SLX4: variants seen among roughly 807,000 people sequenced by gnomAD.
The protein encoded by SLX4 is structure-specific endonuclease subunit SLX4.
Under a neutral mutation model 146.2 loss-of-function variants are expected in SLX4, and 112 were observed. The ratio of observed to expected loss-of-function variants is 0.77; its 90% CI spans 0.66 to 0.90. SLX4 has a LOEUF of 0.90. SLX4 is among the 40% of genes least tolerant of loss of function. The pLI, the probability that SLX4 is intolerant of heterozygous loss-of-function variation, is 0.00. For missense variants in SLX4, 2,563 were observed against 2,392.7 expected, an observed-to-expected ratio of 1.07 and a Z score of -1.49; for synonymous variants, 1,061 against 997.7, an observed-to-expected ratio of 1.06 and a Z score of -1.20.
Position 3,593,261 on chromosome 16 carries a change from T to G in SLX4, c.2161-396A>C, listed in dbSNP as rs534441139. Among the ~76,000 whole-genome samples, 4 of 152,208 alleles carry G rather than the reference T, an allele frequency of 2.6e-5. No individual in the cohort carries two copies. In the East Asian group the frequency reaches 7.7e-4, roughly 29 times the overall value. On this transcript the variant is annotated intron_variant, in intron 10 of 14. Transcript: ENST00000294008. ...TAATTTTTTATAGTTTCAGTAGAGA[T>G]AAGGTTTCACTATGTTGGCCAGGCT...
intron 12 of SLX4, among the ~76,000 whole-genome samples, chr16:3,585,585 CAAA>C (rs35181087): frequency 3.0e-4 from 27 of 90,030 alleles, no homozygotes; most frequent in Admixed American, 1.5e-3. Flanking sequence ...GACTCTGTCT[CAAA>C]AAAAAAAAAA....
At chr16:3,600,936 A>C (rs369025347) in intron 5 of SLX4, 43 bp downstream of exon 5, 1 of 1,605,230 alleles carries the variant, frequency 6.2e-7, no homozygotes. Flanking sequence ...CTGAGTGCAC[A>C]CAGCATTATT....
chr16:3,611,033 G>A (rs1398847429), intron 1 of SLX4, among the ~76,000 whole-genome samples: 1 of 152,138 alleles, frequency 6.6e-6, no homozygotes, highest in Non-Finnish European at 1.5e-5. Context: ...CCTCCTATAG[G>A]TGCCCAGTCA....
intron 3 of SLX4, 78 bp downstream of exon 3, chr16:3,606,396 C>T (rs769623449): frequency 6.7e-6 from 10 of 1,500,754 alleles, no homozygotes; most frequent in Non-Finnish European, 9.3e-6. Context: ...TCAACAAATG[C>T]TGATTCCTTC....
chr16:3,584,500 G>A (rs967937392), intron 13 of SLX4, among the ~76,000 whole-genome samples: 1 of 152,164 alleles, frequency 6.6e-6, no homozygotes, highest in South Asian at 2.1e-4. Context: ...ATGGGGACCT[G>A]CTGCCCAGGG....
rs2040562250 is a variant in SLX4, at chr16:3,589,960, C to G, written c.3678G>C (p.Arg1226=). The G allele has an allele frequency of 1.2e-6, 2 of 1,613,876 alleles. No individual in the cohort carries two copies. Among genetic ancestry groups the G allele is most frequent in the Non-Finnish European group, 8.5e-7 (1 of 1,180,000 alleles). Residue 1226 remains arginine (R), a synonymous_variant, in exon 12 of 15, where the codon CGG becomes CGC. Coordinates refer to ENST00000294008, the MANE Select transcript of SLX4 (RefSeq NM_032444.4). This position sits in a 1 kb window ranked among gnomAD's most constrained non-coding sequence, Gnocchi z 6.2. ...GAGCCCCTCTCCTGCCCAAAGAGCC[C>G]CGATTCTCCGGCAGCGCCCCCTCAT... ...QEDEGALPEN[R]GSLGRRGAPW... is the part of the protein sequence containing the mutation.
At chr16:3,605,120 T>C (rs544530096) in intron 3 of SLX4, among the ~76,000 whole-genome samples, 5 of 151,412 alleles carry the variant, frequency 3.3e-5, no homozygotes, top group Non-Finnish European at 7.4e-5. Context: ...GTCAGAGTCT[T>C]GCTCTGTTGC....
At position 3,610,629 on chromosome 16, in the gene SLX4, AG is replaced by A. The variant is rs750903300; in HGVS notation, c.-603+930del. ...CAGTGGCAGGGCTGGGATCAAACCC[AG>A]GAAGTGTGGTTCGAAACTATCCGCT... On this transcript the variant is annotated intron_variant, in intron 1 of 14. Coordinates refer to ENST00000294008, the MANE Select transcript of SLX4 (RefSeq NM_032444.4). 3.3e-5 allele frequency among the ~76,000 whole-genome samples: 5 copies of A among 152,332 alleles called. No individual in the cohort carries two copies. In the South Asian group the frequency reaches 6.2e-4, roughly 19 times the overall value.
Position 3,608,916 on chromosome 16 carries a change from G to C in SLX4, c.49C>G (p.Leu17Val). 6.2e-7 allele frequency: 1 copy of C among 1,614,164 alleles called. No homozygotes were observed. Among genetic ancestry groups the C allele is most frequent in the Non-Finnish European group, 8.5e-7 (1 of 1,180,022 alleles). ...EAQLGFYLGSLSHLSACPGID... is the reference protein window; with the variant it reads ...EAQLGFYLGSVSHLSACPGID... ...CCAGGACAGGCAGACAGATGAGAAA[G>C]TGAACCCAAGTAGAAGCCTAGCTGA... The change falls in exon 2 of 15, where the codon CTT becomes GTT. Residue 17 changes from leucine to valine, a missense_variant. Transcript: ENST00000294008.
rs199711185 is a variant in SLX4 at position 3,594,587 on chromosome 16, G to A, written c.2026C>T (p.Leu676=). The change falls in exon 10 of 15, where the codon CTG becomes TTG. Residue 676 remains leucine (L), a synonymous_variant. Coordinates refer to ENST00000294008, the MANE Select transcript of SLX4 (RefSeq NM_032444.4). ...ATGGCGCCAAAGTCAGCAACCAGCA[G>A]CCCGAGGGAGAGCTGAAGCAGGAGG... ...RGGRTLLSLG[L]LVADFGAMVN... 5.0e-6 allele frequency: 8 copies of A among 1,614,104 alleles called. No homozygotes were observed. In the African/African-American group the frequency reaches 8.0e-5, roughly 16 times the overall value.
chr16:3,608,642 T>C lies in SLX4; in HGVS notation c.323A>G (p.Glu108Gly). The change falls in exon 2 of 15, where the codon GAG (glutamate) becomes GGG (glycine). Residue 108 changes from glutamate to glycine, a missense_variant. Coordinates refer to ENST00000294008, the MANE Select transcript of SLX4 (RefSeq NM_032444.4). ...CTGGCTGCCAGACGGAGGTTTCTTC[T>C]CTGCAGGGCCTTGAAGGGTTTTGGT... ...TKTKTLQGPAEKKPPSGSQAP... is the reference protein window; with the variant it reads ...TKTKTLQGPAGKKPPSGSQAP... The C allele has an allele frequency of 6.2e-7, 1 of 1,614,224 alleles. No individual in the cohort carries two copies. The highest frequency in any genetic ancestry group is 8.5e-7 in the Non-Finnish European group (1 of 1,180,034).
At position 3,589,233 on chromosome 16, in the gene SLX4, A is replaced by AGCG; in HGVS notation, c.4402_4404dup (p.Arg1468dup). ...GGGGTGGTGTCCAGGAGTCCCGGGG[A>AGCG]GCGACAGTCACGGCTGTCGGCGGCC... On this transcript the variant is annotated inframe_insertion, in exon 12 of 15. Transcript: ENST00000294008. The surrounding 1 kb of genome is among the most constrained non-coding windows in gnomAD (Gnocchi z 6.2). The AGCG allele has an allele frequency of 6.2e-7, 1 of 1,609,470 alleles. No individual in the cohort carries two copies. The highest frequency in any genetic ancestry group is 1.3e-5 in the African/African-American group (1 of 74,836).
At position 3,590,255 on chromosome 16, in the gene SLX4, T is replaced by G; in HGVS notation, c.3383A>C (p.Gln1128Pro). Residue 1128 changes from glutamine to proline, a missense_variant, in exon 12 of 15, where the codon CAG becomes CCG. Physicochemically the swap from Gln to Pro is moderately conservative, Grantham distance 76 (BLOSUM62 -1). Transcript: ENST00000294008. The surrounding 1 kb of genome is among the most constrained non-coding windows in gnomAD (Gnocchi z 4.8). ...GGAGCTCGAATGGTCAGGATTTGAC[T>G]GGGTTAGGTCAATAGACGGAGATTT... ...PEKSPSIDLT[Q>P]SNPDHSSSRS... The G allele has an allele frequency of 6.2e-7, 1 of 1,614,210 alleles. No individual in the cohort carries two copies. The highest frequency in any genetic ancestry group is 8.5e-7 in the Non-Finnish European group (1 of 1,180,030).
chr16:3,594,557 T>C lies in SLX4; in HGVS notation c.2056A>G (p.Asn686Asp). ...LLVADFGAMV[N>D]NPHLSDVQFQ... is the part of the protein sequence containing the mutation. ...TGGACATCACTCAGGTGTGGGTTAT[T>C]GACCATGGCGCCAAAGTCAGCAACC... Residue 686 changes from asparagine to aspartate, a missense_variant, in exon 10 of 15, where the codon AAT becomes GAT. Transcript: ENST00000294008. 1 of 1,614,066 alleles carries C rather than the reference T, an allele frequency of 6.2e-7. No individual in the cohort carries two copies. Among genetic ancestry groups the C allele is most frequent in the Non-Finnish European group, 8.5e-7 (1 of 1,180,004 alleles).
chr16:3,582,782 C>A (rs750600596), intron 14 of SLX4, 89 bp from the exon 15 acceptor site: 27 of 1,244,960 alleles, frequency 2.2e-5, no homozygotes, highest in African/African-American at 3.0e-5. Context: ...AAGGTGTCTA[C>A]GGGTCCCATG....
At chr16:3,583,783 G>T (rs2040473053) in intron 13 of SLX4, among the ~76,000 whole-genome samples, 1 of 151,486 alleles carries the variant, frequency 6.6e-6, no homozygotes, top group Non-Finnish European at 1.5e-5. Context: ...CAGGAGGACA[G>T]TTTGAGCTCA....
chr16:3,593,621 G>A (rs1032727347), intron 10 of SLX4, among the ~76,000 whole-genome samples: 25 of 152,140 alleles, frequency 1.6e-4, no homozygotes, highest in Admixed American at 1.3e-4. Flanking sequence ...CTCCTCTTTT[G>A]TCAAATCGTA....
At position 3,602,246 on chromosome 16, in the gene SLX4, C is replaced by G. The variant is rs1367038373; in HGVS notation, c.822G>C (p.Gln274His). 19 of 1,614,212 alleles carry G rather than the reference C, an allele frequency of 1.2e-5. No individual in the cohort carries two copies. The highest frequency in any genetic ancestry group is 1.4e-5 in the Non-Finnish European group (17 of 1,180,032). Residue 274 changes from glutamine to histidine, a missense_variant, in exon 4 of 15, where the codon CAG (glutamine) becomes CAC (histidine). Gln to His is a conservative substitution (Grantham distance 24, BLOSUM62 0). Transcript: ENST00000294008. ...CCGATGCTCCTACCCGTGCAAACTC[C>G]TGCTGCAGGGTCAAGGCCACCGCAG... ...SDAAVALTLQ[Q>H]EFARVGASAH...
In SLX4 at chr16:3,589,676, G is replaced by T; in HGVS notation, c.3962C>A (p.Pro1321Gln). The T allele has an allele frequency of 1.2e-6, 2 of 1,613,902 alleles. No homozygotes were observed. The highest frequency in any genetic ancestry group is 2.7e-5 in the African/African-American group (2 of 75,052). ...IRPQTPPPQT[P>Q]SSCLTPVSPG... Reference sequence around the variant, plus strand: ...AGAGACGGGAGTGAGGCATGAGGACGGTGTCTGGGGCGGTGGTGTCTGGGG... The same window carrying T: ...AGAGACGGGAGTGAGGCATGAGGACTGTGTCTGGGGCGGTGGTGTCTGGGG... The change falls in exon 12 of 15, where the codon CCG (proline) becomes CAG (glutamine). Residue 1321 changes from proline to glutamine, a missense_variant. Transcript: ENST00000294008. The surrounding 1 kb of genome is among the most constrained non-coding windows in gnomAD (Gnocchi z 6.2).
Sources: allele counts gnomAD v4.1 joint callset (sites outside exome capture counted in the v4.1 genomes callset), GRCh38; gene constraint gnomAD v4.1.1; non-coding constraint Gnocchi (gnomAD v3.1); transcripts MANE v1.5; gene names NCBI Gene and HGNC (gene_info 2026-07-23, HGNC 2026-07-21).